The following KCTD16 variants were observed in gnomAD, a reference collection of about 807,000 sequenced individuals.
KCTD16 encodes the protein BTB/POZ domain-containing protein KCTD16.
Under a neutral mutation model 33.2 loss-of-function variants are expected in KCTD16, and 13 were observed. That is an observed-to-expected ratio of 0.39 (90% CI 0.25 to 0.62). KCTD16 has a LOEUF of 0.62. KCTD16 is among the 20% of genes least tolerant of loss of function. The pLI is 0.50. For synonymous variants in KCTD16, 197 were observed against 195.3 expected (o/e 1.01, Z -0.07); for missense variants, 441 against 525.1 (o/e 0.84, Z 1.57).
intron 3 of KCTD16, among the ~76,000 whole-genome samples, chr5:144,411,930 C>A (rs1752942218): frequency 6.6e-6 from 1 of 152,122 alleles, no homozygotes; most frequent in East Asian, 1.9e-4. Context: ...AAAAAATTGC[C>A]AAATCATGAA....
intron 3 of KCTD16, among the ~76,000 whole-genome samples, chr5:144,470,363 C>T (rs1247875213): frequency 1.3e-5 from 2 of 152,046 alleles, no homozygotes; most frequent in Non-Finnish European, 2.9e-5. Context: ...AGACAGTGCT[C>T]CTAGAAAAGA....
intron 3 of KCTD16, among the ~76,000 whole-genome samples, chr5:144,395,940 A>G (rs1024969669): frequency 1.6e-4 from 25 of 152,224 alleles, no homozygotes; most frequent in African/African-American, 6.0e-4. Context: ...ATTGGAACAC[A>G]GTCATATCTG....
chr5:144,348,230 T>C (rs1291764437), intron 3 of KCTD16, among the ~76,000 whole-genome samples: 1 of 152,204 alleles, frequency 6.6e-6, no homozygotes, highest in East Asian at 1.9e-4. Flanking sequence ...TGTGTTTCTA[T>C]TTCTAGTGTT....
chr5:144,350,390 G>A (rs1751389880), intron 3 of KCTD16, among the ~76,000 whole-genome samples: 1 of 152,124 alleles, frequency 6.6e-6, no homozygotes, highest in Admixed American at 6.6e-5. Flanking sequence ...GAAGGCATAG[G>A]ACAGAGACAC....
intron 3 of KCTD16, among the ~76,000 whole-genome samples, chr5:144,406,999 A>G (rs1752822280): frequency 6.6e-6 from 1 of 152,228 alleles, no homozygotes; most frequent in South Asian, 2.1e-4. Context: ...TAAAGGTGGA[A>G]CTTGGTTCCC....
intron 3 of KCTD16, among the ~76,000 whole-genome samples, chr5:144,385,569 G>A (rs552002005): frequency 2.4e-4 from 36 of 152,158 alleles, no homozygotes; most frequent in Non-Finnish European, 4.3e-4. Context: ...CATTACTATA[G>A]GACAATTTTC....
chr5:144,315,606 A>G (rs760240962), intron 3 of KCTD16, among the ~76,000 whole-genome samples: 1 of 152,188 alleles, frequency 6.6e-6, no homozygotes, highest in Non-Finnish European at 1.5e-5. Context: ...ATGCATTAGC[A>G]TATATATTTC....
At chr5:144,282,146 A>G (rs922229217) in intron 3 of KCTD16, among the ~76,000 whole-genome samples, 2 of 152,006 alleles carry the variant, frequency 1.3e-5, no homozygotes, top group Non-Finnish European at 2.9e-5. Flanking sequence ...TTTCACCCCC[A>G]CCTCCCAACC....
At chr5:144,417,011 G>C (rs1461261100) in intron 3 of KCTD16, among the ~76,000 whole-genome samples, 6 of 152,084 alleles carry the variant, frequency 3.9e-5, no homozygotes, top group East Asian at 3.9e-4. Flanking sequence ...TAACTTGTTT[G>C]TCCATTTATT....
At chr5:144,256,838 A>G (rs933190851) in intron 3 of KCTD16, among the ~76,000 whole-genome samples, 1 of 150,008 alleles carries the variant, frequency 6.7e-6, no homozygotes, top group African/African-American at 2.5e-5. Context: ...ATGAGTAATC[A>G]GTGTGATTAT....
chr5:144,204,928 G>A (rs560591718), intron 2 of KCTD16, among the ~76,000 whole-genome samples: 106 of 151,926 alleles, frequency 7.0e-4, no homozygotes, highest in African/African-American at 2.4e-3. Context: ...TGGTGTGCGT[G>A]TCTGTGTTTT....
At chr5:144,293,887 C>T (rs1000389818) in intron 3 of KCTD16, among the ~76,000 whole-genome samples, 8 of 152,268 alleles carry the variant, frequency 5.3e-5, no homozygotes, top group Non-Finnish European at 8.8e-5. Flanking sequence ...GGGCTGGGTG[C>T]GGTGGCTCAC....
chr5:144,455,160 C>G (rs1332385695), intron 3 of KCTD16, among the ~76,000 whole-genome samples: 1 of 151,910 alleles, frequency 6.6e-6, no homozygotes, highest in Non-Finnish European at 1.5e-5. Context: ...TCCTTTCCCC[C>G]AACAGAGGCG....
In KCTD16 at chr5:144,235,401, G is replaced by A. The variant is rs1754223563; in HGVS notation, c.832+27855G>A. On this transcript the variant is annotated intron_variant, in intron 3 of 3. Transcript: ENST00000512467. The stretch of plus-strand genomic sequence containing the variant: ...GAGTTTGCTGAGCTCTTGTCTCCAT[G>A]GTTTGCATTTACTCAGATCAGGGGC... Among the ~76,000 whole-genome samples the A allele has an allele frequency of 1.3e-5, 2 of 152,064 alleles. 1 individual carries two copies. The highest frequency in any genetic ancestry group is 4.1e-4 in the South Asian group (2 of 4,830).
intron 3 of KCTD16, among the ~76,000 whole-genome samples, chr5:144,461,870 C>T (rs1307046772): frequency 6.6e-6 from 1 of 152,150 alleles, no homozygotes; most frequent in Non-Finnish European, 1.5e-5. Context: ...TTTCCCTTGA[C>T]TCACCTTTAT....
At chr5:144,449,902 G>T (rs1478975984) in intron 3 of KCTD16, among the ~76,000 whole-genome samples, 1 of 151,852 alleles carries the variant, frequency 6.6e-6, no homozygotes, top group Non-Finnish European at 1.5e-5. Flanking sequence ...TGTTTTCTTG[G>T]ATATGAACTG....
chr5:144,438,288 T>C (rs1192879122), intron 3 of KCTD16, among the ~76,000 whole-genome samples: 3 of 152,202 alleles, frequency 2.0e-5, no homozygotes, highest in African/African-American at 7.2e-5. Context: ...AGAAATCTTA[T>C]TCAATCTGCT....
intron 3 of KCTD16, among the ~76,000 whole-genome samples, chr5:144,251,935 A>G (rs1580821238): frequency 6.6e-6 from 1 of 152,194 alleles, no homozygotes; most frequent in South Asian, 2.1e-4. Flanking sequence ...CCCATTTATC[A>G]TCTTTCCTTC....
chr5:144,355,491 A>G (rs534890693), intron 3 of KCTD16, among the ~76,000 whole-genome samples: 1 of 152,246 alleles, frequency 6.6e-6, no homozygotes, highest in South Asian at 2.1e-4. Context: ...AGAGACAGGT[A>G]GTGGGAACAT....
Sources: gnomAD v4.1 joint callset for allele counts (sites outside exome capture counted in the v4.1 genomes callset) on GRCh38, gnomAD v4.1.1 for gene constraint, MANE v1.5 for transcripts, NCBI Gene and HGNC (gene_info 2026-07-23, HGNC 2026-07-21) for gene names.